Variants in THSD4 observed in about 807,000 individuals in gnomAD.
THSD4 encodes thrombospondin type 1 domain containing 4.
In THSD4, 69 loss-of-function variants were observed where a neutral mutation model predicts 119.0. The ratio of observed to expected loss-of-function variants is 0.58; its 90% CI spans 0.48 to 0.71. The LOEUF is 0.71. THSD4 is among the 30% of genes least tolerant of loss of function. THSD4 has a pLI of 0.00. For synonymous variants in THSD4, 524 were observed against 540.4 expected (o/e 0.97, Z 0.42); for missense variants, 1,393 against 1,391.1 (o/e 1.00, Z -0.02).
chr15:71,729,126 C>A (rs77958270), intron 9 of THSD4: 6,578 of 223,240 alleles, frequency 0.029, 174 homozygotes, highest in Non-Finnish European at 0.041. Context: ...GGCAGGACCG[C>A]TCCCAGCTCC....
At chr15:71,596,208 A>G (rs544704872) in intron 7 of THSD4, among the ~76,000 whole-genome samples, 1 of 152,114 alleles carries the variant, frequency 6.6e-6, no homozygotes, top group Non-Finnish European at 1.5e-5. Flanking sequence ...GGCGACTTCT[A>G]TTTTGCTGAT....
intron 7 of THSD4, among the ~76,000 whole-genome samples, chr15:71,521,187 A>G (rs145905018): frequency 1.3e-5 from 2 of 152,172 alleles, no homozygotes; most frequent in African/African-American, 4.8e-5. Context: ...TACTCAGATA[A>G]TACTTTCTCT....
At chr15:71,382,742 T>G (rs763206603) in intron 6 of THSD4, among the ~76,000 whole-genome samples, 46 of 152,312 alleles carry the variant, frequency 3.0e-4, no homozygotes, top group South Asian at 1.0e-3. Context: ...TGAAGGGAGA[T>G]GATACCATTT....
chr15:71,440,906 T>C (rs138134281), intron 7 of THSD4, among the ~76,000 whole-genome samples: 2,180 of 152,298 alleles, frequency 0.014, 17 homozygotes, highest in Non-Finnish European at 0.02. Context: ...TGTATGGACA[T>C]GCAAAGTGAA....
At chr15:71,534,213 G>A (rs573664997) in intron 7 of THSD4, among the ~76,000 whole-genome samples, 2 of 152,266 alleles carry the variant, frequency 1.3e-5, no homozygotes, top group African/African-American at 4.8e-5. Flanking sequence ...GCCTCCCAAA[G>A]TGCTAGGATT....
chr15:71,714,616 G>A (rs916191543), intron 8 of THSD4, among the ~76,000 whole-genome samples: 1 of 105,328 alleles, frequency 9.5e-6, no homozygotes, highest in Non-Finnish European at 2.4e-5. Context: ...GAGGCCGAGT[G>A]GGGGTGGATC....
At chr15:71,554,289 G>T (rs556490230) in intron 7 of THSD4, among the ~76,000 whole-genome samples, 2 of 151,116 alleles carry the variant, frequency 1.3e-5, no homozygotes, top group African/African-American at 4.9e-5. Context: ...GTAGAGATGG[G>T]TTTCACCGTG....
At chr15:71,677,394 A>C (rs374500820) in intron 8 of THSD4, among the ~76,000 whole-genome samples, 12 of 152,194 alleles carry the variant, frequency 7.9e-5, no homozygotes, top group African/African-American at 2.9e-4. Context: ...TCCAGAACCA[A>C]ATATTCACAA....
At chr15:71,303,000 C>T (rs2044973702) in intron 6 of THSD4, among the ~76,000 whole-genome samples, 1 of 152,016 alleles carries the variant, frequency 6.6e-6, no homozygotes, top group Non-Finnish European at 1.5e-5. Context: ...CATGCAGCCT[C>T]AGGCCTGCCC....
At chr15:71,111,894 C>A, upstream of THSD4, 1 of 551,218 alleles carries the variant, frequency 1.8e-6, no homozygotes, top group South Asian at 2.8e-5. Flanking sequence ...AGATGTTTCG[C>A]TGGTAAAAGG....
intron 5 of THSD4, among the ~76,000 whole-genome samples, chr15:71,250,781 G>A (rs536001566): frequency 3.2e-4 from 49 of 152,232 alleles, no homozygotes; most frequent in African/African-American, 6.7e-4. Context: ...AAGGGATCTC[G>A]AATATTTAAA....
chr15:71,387,508 G>A (rs1220120604), intron 6 of THSD4, among the ~76,000 whole-genome samples: 1 of 151,976 alleles, frequency 6.6e-6, no homozygotes, highest in African/African-American at 2.4e-5. Context: ...TGCATTTTCA[G>A]GAAAAAAGGA....
At chr15:71,644,457 A>T (rs1274550210) in intron 7 of THSD4, among the ~76,000 whole-genome samples, 1 of 152,152 alleles carries the variant, frequency 6.6e-6, no homozygotes, top group Non-Finnish European at 1.5e-5. Flanking sequence ...CAGAATTCTA[A>T]TCTTCACCAG....
chr15:71,406,185 G>T (rs552318011), intron 6 of THSD4, among the ~76,000 whole-genome samples: 1 of 150,964 alleles, frequency 6.6e-6, no homozygotes, highest in Non-Finnish European at 1.5e-5. Flanking sequence ...ATTTTTTTCT[G>T]CTATTTTTAA....
Position 71,703,483 on chromosome 15 carries a change from T to C in THSD4, c.1358-25066T>C, listed in dbSNP as rs193173345. 1.1e-3 allele frequency among the ~76,000 whole-genome samples: 169 copies of C among 152,316 alleles called. 1 individual carries two copies. Among genetic ancestry groups the C allele is most frequent in the African/African-American group, 3.7e-3 (155 of 41,564 alleles). On this transcript the variant is annotated intron_variant, in intron 8 of 17. Transcript: ENST00000261862. ...GGCATCTTAATGTTTCACTCAATCATTCCTGGTTAGTGGCCTGATTAAGCA... is the reference window on the plus strand; with the variant it reads ...GGCATCTTAATGTTTCACTCAATCACTCCTGGTTAGTGGCCTGATTAAGCA...
intron 4 of THSD4, among the ~76,000 whole-genome samples, chr15:71,218,312 CCTGCGGGTGCCAA>C (rs1447633770): frequency 6.6e-6 from 1 of 152,168 alleles, no homozygotes; most frequent in East Asian, 1.9e-4. Flanking sequence ...TACTCATCCT[CCTGCGGGTGCCAA>C]CTGAAGGGAT....
chr15:71,583,518 G>A (rs116327679), intron 7 of THSD4, among the ~76,000 whole-genome samples: 136 of 151,074 alleles, frequency 9.0e-4, no homozygotes, highest in African/African-American at 3.1e-3. Context: ...GTTTATTTGA[G>A]ATCCTTGTTT....
intron 16 of THSD4, among the ~76,000 whole-genome samples, chr15:71,770,604 G>A (rs1424768545): frequency 2.6e-5 from 4 of 152,116 alleles, no homozygotes; most frequent in African/African-American, 4.8e-5. Flanking sequence ...GCAGCAAGCC[G>A]AGATCACGCC....
chr15:71,683,764 C>T (rs570249568), intron 8 of THSD4, among the ~76,000 whole-genome samples: 62 of 152,258 alleles, frequency 4.1e-4, no homozygotes, highest in African/African-American at 1.4e-3. Context: ...TACTTGAGGT[C>T]AGGAGTTTGA....
Sources: allele counts gnomAD v4.1 joint callset (sites outside exome capture counted in the v4.1 genomes callset), GRCh38; gene constraint gnomAD v4.1.1; transcripts MANE v1.5; gene names NCBI Gene and HGNC (gene_info 2026-07-23, HGNC 2026-07-21).